The following FAM47E variants were observed in gnomAD, a reference collection of about 807,000 sequenced individuals.
FAM47E encodes protein FAM47E.
In FAM47E, 32 loss-of-function variants were observed where a neutral mutation model predicts 41.6. That is an observed-to-expected ratio of 0.77 (90% CI 0.58 to 1.03). The LOEUF (loss-of-function observed/expected upper bound fraction) is 1.03, where lower values mean the gene tolerates loss of function less well. Ranked by LOEUF, FAM47E falls within the 50% of genes least tolerant of loss-of-function variation. The pLI, the probability that FAM47E is intolerant of heterozygous loss-of-function variation, is 0.00. For missense variants in FAM47E, 424 were observed against 485.4 expected (o/e 0.87, Z 1.19); for synonymous variants, 184 against 188.7 (o/e 0.98, Z 0.20).
chr4:76,261,419 A>G (rs557787454), intron 2 of FAM47E, among the ~76,000 whole-genome samples: 2 of 152,326 alleles, frequency 1.3e-5, no homozygotes, highest in East Asian at 3.9e-4. Flanking sequence ...CATGAAATCA[A>G]CCTAAGTGTC....
chr4:76,256,080 C>T, intron 1 of FAM47E, 98 bp from the exon 2 acceptor site: 1 of 1,376,970 alleles, frequency 7.3e-7, no homozygotes, highest in Non-Finnish European at 9.7e-7. Context: ...AGCTGGAGAC[C>T]AGCCTTTTTA....
intron 2 of FAM47E, among the ~76,000 whole-genome samples, chr4:76,259,853 G>A (rs1734334894): frequency 1.3e-5 from 2 of 151,780 alleles, no homozygotes; most frequent in African/African-American, 2.4e-5. Flanking sequence ...CCTGATAAAC[G>A]ACTTCAGTAA....
intron 2 of FAM47E, among the ~76,000 whole-genome samples, chr4:76,233,274 G>GT (rs1733523683): frequency 6.8e-6 from 1 of 146,918 alleles, no homozygotes; most frequent in African/African-American, 2.5e-5. Flanking sequence ...AGTTCCATGT[G>GT]TCCCCAGGCC....
upstream of FAM47E, among the ~76,000 whole-genome samples, chr4:76,247,989 A>G (rs1255909067): frequency 1.5e-5 from 2 of 130,110 alleles, no homozygotes; most frequent in African/African-American, 5.8e-5. Flanking sequence ...ATCTCGGCTC[A>G]CTGCAAGCTC....
At chr4:76,281,264 A>G (rs1357157261) in intron 7 of FAM47E, 1 of 152,240 alleles carries the variant, frequency 6.6e-6, no homozygotes, top group African/African-American at 2.4e-5. Flanking sequence ...TAGCAAATAA[A>G]TGTAGGACAA....
At chr4:76,214,473 A>C in intron 1 of FAM47E, 1 of 364,424 alleles carries the variant, frequency 2.7e-6, no homozygotes. Context: ...AGGAAGCAAG[A>C]AGGAAGTTCC....
rs534203291 is a variant in FAM47E, at chr4:76,271,764, C to T, written c.866C>T (p.Pro289Leu). ...KLGYERKLQK[P>L]QNPYKPKWVK... ...GGCTATGAGAGGAAACTCCAGAAAC[C>T]ACAGGTAATTGCAGAAGGGGACCAG... is the stretch of plus-strand genomic sequence containing the variant. The change falls in exon 5 of 8, where the codon CCA (proline) becomes CTA (leucine). Residue 289 changes from proline to leucine, a missense_variant. Transcript: ENST00000424749. 2.7e-5 allele frequency: 42 copies of T among 1,550,978 alleles called. No individual in the cohort carries two copies. In the Middle Eastern group the frequency reaches 5.0e-4, roughly 18 times the overall value.
rs769457260 is a variant in FAM47E, at chr4:76,271,645, GC to G, written c.748del (p.Leu250SerfsTer4). 1 of 1,552,196 alleles carries G rather than the reference GC, an allele frequency of 6.4e-7. No individual in the cohort carries two copies. The highest frequency in any genetic ancestry group is 2.0e-5 in the Admixed American group (1 of 51,010). On this transcript the variant is annotated frameshift_variant, in exon 5 of 8. Coordinates refer to ENST00000424749, the MANE Select transcript of FAM47E (RefSeq NM_001136570.3). LOFTEE classifies it high-confidence loss of function. ...DYETKPSHDA[L>X]HTMKLNQVPL... The stretch of plus-strand genomic sequence containing the variant: ...ATGAGACCAAACCAAGCCATGATGC[GC>G]TCCACACGATGAAGCTAAATCAGGT...
intron 5 of FAM47E, among the ~76,000 whole-genome samples, chr4:76,277,204 G>A (rs1419665426): frequency 6.6e-6 from 1 of 152,174 alleles, no homozygotes; most frequent in African/African-American, 2.4e-5. Context: ...CAAGAGCTTG[G>A]CTGGGCGCAG....
chr4:76,239,080 T>G (rs902147244), intron 2 of FAM47E, among the ~76,000 whole-genome samples: 8 of 152,198 alleles, frequency 5.3e-5, no homozygotes, highest in Non-Finnish European at 1.0e-4. Flanking sequence ...CCTTCCTATT[T>G]AAGGCTGAAT....
chr4:76,262,867 A>G (rs926624445), intron 2 of FAM47E, among the ~76,000 whole-genome samples: 1 of 152,080 alleles, frequency 6.6e-6, no homozygotes, highest in Non-Finnish European at 1.5e-5. Context: ...GGCTCAAGGG[A>G]TCCTCTCACC....
chr4:76,214,243 G>C (rs143733202), exon 1 of FAM47E: 1 of 454,990 alleles, frequency 2.2e-6, no homozygotes, highest in East Asian at 6.9e-5. Context: ...ACACAATGTA[G>C]CAAGTGCTTC....
rs529017765 is a variant in FAM47E at position 76,214,052 on chromosome 4, C to T, written c.-402C>T. 37 of 336,972 alleles carry T rather than the reference C, an allele frequency of 1.1e-4. No individual in the cohort carries two copies. In the East Asian group the frequency reaches 3.1e-3, roughly 28 times the overall value. 20.9% of individuals were successfully genotyped at this position (336,972 alleles called of 1,614,324 possible). Reference sequence around the variant, plus strand: ...CCTGGCCGCTCCCAGCGCCCTGCACCGCAGGCCCAGCGCTCGCCCCACCGA... The same window carrying T: ...CCTGGCCGCTCCCAGCGCCCTGCACTGCAGGCCCAGCGCTCGCCCCACCGA... On this transcript the variant is annotated 5_prime_UTR_variant, in exon 1 of 8. Transcript: ENST00000510197.
chr4:76,245,834 A>G (rs1733815244), intron 2 of FAM47E, among the ~76,000 whole-genome samples: 1 of 152,072 alleles, frequency 6.6e-6, no homozygotes, highest in Non-Finnish European at 1.5e-5. Flanking sequence ...CATCTCCTCA[A>G]ATCTAGCAGC....
At chr4:76,280,564 C>G in intron 7 of FAM47E, 1 of 428,358 alleles carries the variant, frequency 2.3e-6, no homozygotes, top group Non-Finnish European at 4.2e-6. Context: ...CTGCTACTAT[C>G]AGAGATACTA....
intron 1 of FAM47E, among the ~76,000 whole-genome samples, chr4:76,254,309 C>A (rs746185109): frequency 5.3e-5 from 8 of 152,072 alleles, no homozygotes; most frequent in Non-Finnish European, 8.8e-5. Flanking sequence ...TCATGAAGTG[C>A]TTGGATGCAT....
At chr4:76,264,121 GA>G (rs1420411032) in intron 3 of FAM47E, among the ~76,000 whole-genome samples, 3 of 152,170 alleles carry the variant, frequency 2.0e-5, no homozygotes, top group African/African-American at 7.2e-5. Context: ...GTGAAGGTTA[GA>G]AAATCCTTGA....
At chr4:76,251,564 C>A, upstream of FAM47E, 1 of 1,240,472 alleles carries the variant, frequency 8.1e-7, no homozygotes, top group Non-Finnish European at 1.0e-6. Flanking sequence ...TCTCCCTTCC[C>A]TCGGCCAGGT....
intron 2 of FAM47E, among the ~76,000 whole-genome samples, chr4:76,227,468 A>C (rs1277507399): frequency 6.6e-6 from 1 of 152,204 alleles, no homozygotes; most frequent in African/African-American, 2.4e-5. Context: ...CATATGGTCT[A>C]TCTTGGAGAA....
Sources: allele counts gnomAD v4.1 joint callset (sites outside exome capture counted in the v4.1 genomes callset), GRCh38; gene constraint gnomAD v4.1.1; transcripts MANE v1.5; gene names NCBI Gene and HGNC (gene_info 2026-07-23, HGNC 2026-07-21).